FSTL5: variants seen among roughly 807,000 people sequenced by gnomAD.
FSTL5 encodes follistatin-related protein 5.
Under a neutral mutation model 89.1 loss-of-function variants are expected in FSTL5, and 62 were observed. The observed-to-expected ratio is 0.70, with a 90% CI of 0.57 to 0.86. The LOEUF is 0.86. Among genes scored for constraint, FSTL5 ranks in the 40% least tolerant of loss-of-function variants. The probability of loss-of-function intolerance (pLI) is 0.00; values close to 1 mark genes in which losing one functional copy is unlikely to be tolerated. For synonymous variants in FSTL5, 383 were observed against 346.2 expected, an observed-to-expected ratio of 1.11 and a Z score of -1.18; for missense variants, 1,057 against 1,001.6, an observed-to-expected ratio of 1.06 and a Z score of -0.75.
chr4:161,463,192 A>G (rs895736297), intron 13 of FSTL5, among the ~76,000 whole-genome samples: 1 of 152,130 alleles, frequency 6.6e-6, no homozygotes, highest in African/African-American at 2.4e-5. Context: ...ATAATTTCCG[A>G]CTTTGAAAAA....
At chr4:162,161,718 A>G (rs1733703225) in intron 1 of FSTL5, among the ~76,000 whole-genome samples, 1 of 152,106 alleles carries the variant, frequency 6.6e-6, no homozygotes, top group East Asian at 1.9e-4. Context: ...TATAATGTTT[A>G]TATATAGTAT....
intron 4 of FSTL5, among the ~76,000 whole-genome samples, chr4:161,815,323 T>C (rs537183308): frequency 1.4e-4 from 22 of 152,228 alleles, no homozygotes; most frequent in African/African-American, 4.8e-4. Flanking sequence ...TCAGCTGATA[T>C]GTATTTTCAA....
chr4:161,876,532 T>C (rs1403689886), intron 4 of FSTL5, among the ~76,000 whole-genome samples: 1 of 152,222 alleles, frequency 6.6e-6, no homozygotes, highest in Non-Finnish European at 1.5e-5. Context: ...TTCTTGTTTT[T>C]AAAGATGGCT....
At chr4:161,691,489 C>A (rs1240700178) in intron 6 of FSTL5, among the ~76,000 whole-genome samples, 1 of 151,892 alleles carries the variant, frequency 6.6e-6, no homozygotes, top group African/African-American at 2.4e-5. Flanking sequence ...TTTTTCTTTT[C>A]AACATTATTT....
At chr4:161,698,977 A>G (rs1738282812) in intron 6 of FSTL5, among the ~76,000 whole-genome samples, 1 of 152,030 alleles carries the variant, frequency 6.6e-6, no homozygotes, top group Non-Finnish European at 1.5e-5. Flanking sequence ...ACAAAACAAA[A>G]TAGGAGAAAT....
At chr4:162,161,043 C>A (rs941485764) in intron 1 of FSTL5, among the ~76,000 whole-genome samples, 1 of 151,892 alleles carries the variant, frequency 6.6e-6, no homozygotes, top group South Asian at 2.1e-4. Context: ...AAATTGAGCA[C>A]GTCATGTAAT....
intron 5 of FSTL5, among the ~76,000 whole-genome samples, chr4:161,774,677 GA>G (rs35694830): frequency 0.21 from 31,801 of 148,320 alleles, 6,074 homozygotes; most frequent in African/African-American, 0.52. Context: ...CATAAAAAGT[GA>G]AAAAAAAACT....
At chr4:161,829,341 GA>G (rs1012528004) in intron 4 of FSTL5, among the ~76,000 whole-genome samples, 105 of 149,650 alleles carry the variant, frequency 7.0e-4, no homozygotes, top group South Asian at 3.0e-3. Context: ...AAAGCTAAAA[GA>G]AAAAAAATGA....
rs1739949914 is a variant in FSTL5, at chr4:161,739,972, A to G, written c.727+19439T>C. Reference sequence around the variant, plus strand: ...GGATAAATAATCCCAGATAGTAATTAATGTGTTCAAAATAGGATAGTATCT... The same window carrying G: ...GGATAAATAATCCCAGATAGTAATTGATGTGTTCAAAATAGGATAGTATCT... On this transcript the variant is annotated intron_variant, in intron 6 of 15. Coordinates refer to ENST00000306100, the MANE Select transcript of FSTL5 (RefSeq NM_020116.5). Among the ~76,000 whole-genome samples the G allele has an allele frequency of 1.3e-5, 2 of 151,988 alleles. 1 individual carries two copies. The highest frequency in any genetic ancestry group is 4.1e-4 in the South Asian group (2 of 4,828).
At chr4:162,002,763 T>C (rs1015665110) in intron 3 of FSTL5, among the ~76,000 whole-genome samples, 2 of 151,820 alleles carry the variant, frequency 1.3e-5, no homozygotes, top group African/African-American at 4.8e-5. Flanking sequence ...TTTAGCTATA[T>C]TGGTAATCAA....
intron 6 of FSTL5, among the ~76,000 whole-genome samples, chr4:161,694,594 T>C (rs1266037655): frequency 6.6e-6 from 1 of 152,122 alleles, no homozygotes; most frequent in African/African-American, 2.4e-5. Context: ...GTTAAGAATG[T>C]TAAAGTCTTC....
intron 7 of FSTL5, among the ~76,000 whole-genome samples, chr4:161,608,855 C>G (rs949359243): frequency 6.6e-6 from 1 of 152,012 alleles, no homozygotes; most frequent in Non-Finnish European, 1.5e-5. Flanking sequence ...TGGTCTCTGT[C>G]AAATCTTTCA....
At chr4:161,542,055 T>C (rs2126544248) in intron 9 of FSTL5, among the ~76,000 whole-genome samples, 1 of 152,046 alleles carries the variant, frequency 6.6e-6, no homozygotes, top group Non-Finnish European at 1.5e-5. Flanking sequence ...TTAAAAAATG[T>C]AAATGGAAAA....
chr4:161,852,760 A>C (rs543703811), intron 4 of FSTL5, among the ~76,000 whole-genome samples: 13 of 152,290 alleles, frequency 8.5e-5, no homozygotes, highest in Admixed American at 8.5e-4. Flanking sequence ...ATAAATATAC[A>C]CCATGGAATA....
chr4:161,814,276 C>A (rs1194787044), intron 4 of FSTL5, among the ~76,000 whole-genome samples: 1 of 152,054 alleles, frequency 6.6e-6, no homozygotes, highest in Non-Finnish European at 1.5e-5. Flanking sequence ...AATCCTGAAG[C>A]CTTGGGTCTC....
At chr4:161,937,810 C>T (rs1055043021) in intron 3 of FSTL5, among the ~76,000 whole-genome samples, 1 of 152,126 alleles carries the variant, frequency 6.6e-6, no homozygotes, top group African/African-American at 2.4e-5. Flanking sequence ...ATCAGCATCT[C>T]TCCTCCTCAT....
In FSTL5 at chr4:161,455,185, CT is replaced by C. The variant is rs1578986811; in HGVS notation, c.1717-58del. 5.1e-6 allele frequency: 7 copies of C among 1,380,996 alleles called. No homozygotes were observed. In the East Asian group the frequency reaches 1.8e-4, roughly 36 times the overall value. The allele number at this position is 1,380,996 out of a possible 1,614,324, so 85.5% of individuals were successfully genotyped here. On this transcript the variant is annotated intron_variant, in intron 14 of 15. Coordinates refer to ENST00000306100, the MANE Select transcript of FSTL5 (RefSeq NM_020116.5). ...CAATGCAGTCACTTCATAGTATAAG[CT>C]TTAATTTTATTTAGAGATGAAATAA...
chr4:161,911,692 A>T (rs1450339284), intron 4 of FSTL5, among the ~76,000 whole-genome samples: 1 of 152,194 alleles, frequency 6.6e-6, no homozygotes, highest in Non-Finnish European at 1.5e-5. Context: ...AATAATTTCT[A>T]GCTAGATGAT....
chr4:161,946,715 CA>C (rs1359654397), intron 3 of FSTL5, among the ~76,000 whole-genome samples: 2 of 152,126 alleles, frequency 1.3e-5, no homozygotes, highest in Non-Finnish European at 2.9e-5. Context: ...CATTCATGGA[CA>C]CATATTTTTG....
Sources: allele counts gnomAD v4.1 joint callset (sites outside exome capture counted in the v4.1 genomes callset), GRCh38; gene constraint gnomAD v4.1.1; transcripts MANE v1.5; gene names NCBI Gene and HGNC (gene_info 2026-07-23, HGNC 2026-07-21).